Variants in CLPB observed in about 807,000 individuals in gnomAD.
CLPB encodes the protein mitochondrial disaggregase.
CLPB carries 40 observed loss-of-function variants against 78.4 expected under a neutral mutation model. That is an observed-to-expected ratio of 0.51 (90% CI 0.40 to 0.66). The LOEUF (loss-of-function observed/expected upper bound fraction) is 0.66. CLPB is among the 30% of genes least tolerant of loss of function. The pLI is 0.00. For missense variants in CLPB, 780 were observed against 886.9 expected (o/e 0.88, Z 1.53); for synonymous variants, 333 against 348.0 (o/e 0.96, Z 0.48).
chr11:72,342,449 A>G (rs1292136258), intron 5 of CLPB, among the ~76,000 whole-genome samples: 2 of 152,198 alleles, frequency 1.3e-5, no homozygotes, highest in Non-Finnish European at 2.9e-5. Flanking sequence ...GAGGATCCTT[A>G]GCTCATTTTC....
chr11:72,378,524 C>G (rs1479973028), intron 4 of CLPB, among the ~76,000 whole-genome samples: 1 of 152,174 alleles, frequency 6.6e-6, no homozygotes. Context: ...GACTAGCCCC[C>G]ATGATTCAAT....
chr11:72,372,206 C>T (rs1195640850), intron 4 of CLPB, among the ~76,000 whole-genome samples: 5 of 152,156 alleles, frequency 3.3e-5, no homozygotes, highest in Non-Finnish European at 2.9e-5. Context: ...GGTTTGCTAC[C>T]AGAGGAAAGC....
rs781030092 is a variant in CLPB at position 72,358,939 on chromosome 11, G to C, written c.716C>G (p.Ala239Gly). Residue 239 changes from alanine to glycine, a missense_variant, in exon 5 of 16, where the codon GCC becomes GGC. Physicochemically the swap from Ala to Gly is moderately conservative, Grantham distance 60. Coordinates refer to ENST00000538039, the MANE Select transcript of CLPB (RefSeq NM_001258392.3). ...NNRASFKGCT[A>G]LHYAVLADDY... ...ATCAGCAAGAACAGCATAGTGCAAG[G>C]CCGTGCAGCCCTTGAAACTGGCGCG... The C allele has an allele frequency of 1.2e-6, 2 of 1,613,084 alleles. No homozygotes were observed. The highest frequency in any genetic ancestry group is 2.2e-5 in the South Asian group (2 of 90,964).
chr11:72,297,638 TGTG>T (rs1159886584), intron 11 of CLPB, among the ~76,000 whole-genome samples: 2 of 18,770 alleles, frequency 1.1e-4, no homozygotes, highest in African/African-American at 7.0e-4. Flanking sequence ...GGGGACCAGG[TGTG>T]TGTGTGTGTG....
intron 3 of CLPB, among the ~76,000 whole-genome samples, chr11:72,391,026 T>G (rs571323832): frequency 3.3e-5 from 5 of 152,192 alleles, no homozygotes; most frequent in Non-Finnish European, 7.4e-5. Flanking sequence ...GATGGATGAT[T>G]TTTTTCAAAA....
intron 2 of CLPB, among the ~76,000 whole-genome samples, chr11:72,403,708 G>A (rs1423610676): frequency 1.3e-5 from 2 of 152,160 alleles, no homozygotes; most frequent in Non-Finnish European, 2.9e-5. Context: ...AGGTTCCTAG[G>A]AGAGTCCACA....
chr11:72,424,417 C>T (rs1856303692), intron 2 of CLPB, among the ~76,000 whole-genome samples: 1 of 152,186 alleles, frequency 6.6e-6, no homozygotes, highest in Non-Finnish European at 1.5e-5. Flanking sequence ...AATGTATAGC[C>T]AAACAATAGC....
At position 72,292,959 on chromosome 11, in the gene CLPB, C is replaced by T; in HGVS notation, c.*408G>A. 1 of 174,350 alleles carries T rather than the reference C, an allele frequency of 5.7e-6. No homozygotes were observed. The highest frequency in any genetic ancestry group is 1.5e-4 in the East Asian group (1 of 6,870). The allele number at this position is 174,350 out of a possible 1,614,324, so 10.8% of individuals were successfully genotyped here. On this transcript the variant is annotated 3_prime_UTR_variant, in exon 16 of 16. Transcript: ENST00000538039. ...TTGCATGAGGACTAGCAGAGGGTGG[C>T]AGTTCAGTCTGGTCCCTGTCTTCTT...
chr11:72,305,202 T>G (rs948337693), intron 9 of CLPB, among the ~76,000 whole-genome samples: 3 of 152,186 alleles, frequency 2.0e-5, no homozygotes, highest in African/African-American at 7.2e-5. Context: ...AGTGAGGAGT[T>G]GAGAGACTGG....
chr11:72,391,554 T>C (rs1297311152), intron 3 of CLPB, among the ~76,000 whole-genome samples: 1 of 152,238 alleles, frequency 6.6e-6, no homozygotes, highest in Non-Finnish European at 1.5e-5. Flanking sequence ...AAATGAAAGA[T>C]GAATAAATGA....
At chr11:72,419,383 A>G (rs1472244207) in intron 2 of CLPB, among the ~76,000 whole-genome samples, 1 of 152,238 alleles carries the variant, frequency 6.6e-6, no homozygotes, top group African/African-American at 2.4e-5. Context: ...AGGCAGGACC[A>G]TGCCCAAGAT....
In CLPB at chr11:72,286,147, C is replaced by G. The variant is rs890993400; in HGVS notation, c.*7220G>C. On this transcript the variant is annotated 3_prime_UTR_variant, in exon 16 of 16. Coordinates refer to ENST00000538039, the MANE Select transcript of CLPB (RefSeq NM_001258392.3). ...CCATGTTGCTCAGGCTGGTCTTGAA[C>G]TCCTGGGCTCAAGCAGTCCACCTGC... is the stretch of plus-strand genomic sequence containing the variant. The G allele has an allele frequency of 1.3e-5, 2 of 150,916 alleles. No individual in the cohort carries two copies. The highest frequency in any genetic ancestry group is 4.9e-5 in the African/African-American group (2 of 40,944). 9.3% of individuals were successfully genotyped at this position (150,916 alleles called of 1,614,324 possible).
intron 9 of CLPB, among the ~76,000 whole-genome samples, chr11:72,305,239 T>A (rs1949725298): frequency 6.6e-6 from 1 of 152,212 alleles, no homozygotes; most frequent in African/African-American, 2.4e-5. Context: ...TTTCTTCCCC[T>A]AATAGGTGAC....
chr11:72,311,966 A>G (rs1490295141), intron 7 of CLPB, among the ~76,000 whole-genome samples: 2 of 152,120 alleles, frequency 1.3e-5, no homozygotes, highest in Non-Finnish European at 2.9e-5. Context: ...GATTCACTCC[A>G]CCACACCACA....
chr11:72,423,941 T>C (rs1208119538), intron 2 of CLPB, among the ~76,000 whole-genome samples: 1 of 152,240 alleles, frequency 6.6e-6, no homozygotes, highest in Non-Finnish European at 1.5e-5. Flanking sequence ...GTCTTCCGCC[T>C]TTCTCTTCAT....
At chr11:72,424,677 C>T (rs1383503068) in intron 2 of CLPB, among the ~76,000 whole-genome samples, 5 of 152,060 alleles carry the variant, frequency 3.3e-5, no homozygotes, top group Non-Finnish European at 7.4e-5. Context: ...GGGCGGATCA[C>T]GAGGTCAGAC....
At chr11:72,307,117 T>C in intron 9 of CLPB, 82 bp downstream of exon 9, 1 of 1,305,936 alleles carries the variant, frequency 7.7e-7, no homozygotes, top group Non-Finnish European at 1.1e-6. Flanking sequence ...TATTACTGAA[T>C]TCAGAGGGTC....
intron 10 of CLPB, 74 bp from the exon 11 acceptor site, chr11:72,302,038 A>G: frequency 6.5e-7 from 1 of 1,532,302 alleles, no homozygotes; most frequent in Non-Finnish European, 8.9e-7. Flanking sequence ...ATGCATGGGA[A>G]GATGACTTTA....
chr11:72,308,552 G>C lies in CLPB; in HGVS notation c.1041C>G (p.Phe347Leu), dbSNP rs769208208. 1 of 1,614,148 alleles carries C rather than the reference G, an allele frequency of 6.2e-7. No homozygotes were observed. The highest frequency in any genetic ancestry group is 8.5e-7 in the Non-Finnish European group (1 of 1,180,022). ...GWYDEEHPLV[F>L]LFLGSSGIGK... ...CTATTCCAGATGATCCCAAGAAGAG[G>C]AAGACCAGAGGGTGTTCTTCATCGT... Residue 347 changes from phenylalanine to leucine, a missense_variant, in exon 8 of 16, where the codon TTC becomes TTG. Transcript: ENST00000538039.
Sources: allele counts gnomAD v4.1 joint callset (sites outside exome capture counted in the v4.1 genomes callset), GRCh38; gene constraint gnomAD v4.1.1; transcripts MANE v1.5; gene names NCBI Gene and HGNC (gene_info 2026-07-23, HGNC 2026-07-21).